RPS6KC1: variants seen among roughly 807,000 people sequenced by gnomAD.
The protein encoded by RPS6KC1 is ribosomal protein S6 kinase C1.
In RPS6KC1, 54 loss-of-function variants were observed where a neutral mutation model predicts 103.8. The observed-to-expected ratio is 0.52, with a 90% CI of 0.42 to 0.65. The LOEUF (loss-of-function observed/expected upper bound fraction) is 0.65, where lower values mean the gene tolerates loss of function less well. Ranked by LOEUF, RPS6KC1 falls within the 30% of genes least tolerant of loss-of-function variation. The pLI, the probability that RPS6KC1 is intolerant of heterozygous loss-of-function variation, is 0.00. For missense variants in RPS6KC1, 1,151 were observed against 1,253.8 expected (o/e 0.92, Z 1.24); for synonymous variants, 439 against 438.7 (o/e 1.00, Z -0.01).
the RPS6KC1 span, among the ~76,000 whole-genome samples, chr1:213,283,542 C>T: frequency 2.6e-5 from 4 of 152,274 alleles, no homozygotes; most frequent in Non-Finnish European, 5.9e-5. Context: ...CTGGTGTTCA[C>T]TGGGAAGCTC....
At chr1:213,612,871 C>A in the RPS6KC1 span, among the ~76,000 whole-genome samples, 8 of 152,224 alleles carry the variant, frequency 5.3e-5, no homozygotes, top group African/African-American at 1.9e-4. Flanking sequence ...TTCCTGTAAC[C>A]TTTACCTTCT....
the RPS6KC1 span, among the ~76,000 whole-genome samples, chr1:213,790,597 G>T: frequency 3.3e-5 from 5 of 152,128 alleles, no homozygotes; most frequent in East Asian, 9.6e-4. Flanking sequence ...ATTGGGGACT[G>T]GGGGAAGAGA....
chr1:213,202,606 C>T (rs1272966942), intron 8 of RPS6KC1, among the ~76,000 whole-genome samples: 2 of 152,056 alleles, frequency 1.3e-5, no homozygotes, highest in African/African-American at 4.8e-5. Flanking sequence ...GAGTGAGACT[C>T]AGTCTCAAAA....
At chr1:213,451,200 C>T in the RPS6KC1 span, among the ~76,000 whole-genome samples, 1 of 152,270 alleles carries the variant, frequency 6.6e-6, no homozygotes, top group East Asian at 1.9e-4. Flanking sequence ...ACATTTCTCA[C>T]TAATTCAGTA....
intron 5 of RPS6KC1, among the ~76,000 whole-genome samples, chr1:213,119,463 T>TG (rs1248163669): frequency 0.011 from 113 of 10,466 alleles, 6 homozygotes; most frequent in Admixed American, 0.058. Flanking sequence ...TATATATATA[T>TG]ATATATATAT....
chr1:213,581,180 G>C, the RPS6KC1 span, among the ~76,000 whole-genome samples: 1 of 151,868 alleles, frequency 6.6e-6, no homozygotes, highest in African/African-American at 2.4e-5. Flanking sequence ...TTCACTTCTG[G>C]CTCACAGCTC....
the RPS6KC1 span, among the ~76,000 whole-genome samples, chr1:213,383,793 C>T: frequency 6.6e-6 from 1 of 151,336 alleles, no homozygotes; most frequent in South Asian, 2.1e-4. Flanking sequence ...CACCTGAGGA[C>T]ACAGTGAGAA....
the RPS6KC1 span, among the ~76,000 whole-genome samples, chr1:213,351,258 A>T: frequency 6.6e-6 from 1 of 152,234 alleles, no homozygotes; most frequent in Admixed American, 6.5e-5. Flanking sequence ...AATTTAGAAG[A>T]TGAAGATTTG....
At chr1:213,292,761 A>C in the RPS6KC1 span, among the ~76,000 whole-genome samples, 3 of 152,232 alleles carry the variant, frequency 2.0e-5, no homozygotes, top group Admixed American at 2.0e-4. Flanking sequence ...ATTAAGAAAC[A>C]AAGGAAGAAC....
the RPS6KC1 span, among the ~76,000 whole-genome samples, chr1:213,523,251 C>T: frequency 1.3e-5 from 2 of 152,202 alleles, no homozygotes; most frequent in African/African-American, 4.8e-5. Context: ...CTTACATGGG[C>T]ACAGTTTGTG....
Position 213,104,458 on chromosome 1 carries a change from A to G in RPS6KC1, c.267A>G (p.Arg89=). The change falls in exon 4 of 15, where the codon CGA becomes CGG. Residue 89 remains arginine (R), a synonymous_variant. Transcript: ENST00000366960. The part of the protein sequence containing the change: ...PPFAKGIVFG[R]FDETVIEERR... ...TTGATTCTTATTTAATTGTAGGGCG[A>G]TTTGATGAAACTGTTATCGAAGAGA... 1.2e-6 allele frequency: 2 copies of G among 1,601,228 alleles called. No homozygotes were observed. Among genetic ancestry groups the G allele is most frequent in the Non-Finnish European group, 1.7e-6 (2 of 1,169,672 alleles).
chr1:213,301,009 G>T, the RPS6KC1 span, among the ~76,000 whole-genome samples: 1 of 152,130 alleles, frequency 6.6e-6, no homozygotes. Flanking sequence ...AGGTCCCTGA[G>T]CCTTTCTGGG....
At chr1:213,525,721 G>T in the RPS6KC1 span, among the ~76,000 whole-genome samples, 1 of 152,142 alleles carries the variant, frequency 6.6e-6, no homozygotes, top group African/African-American at 2.4e-5. Flanking sequence ...ATGGCAAAAG[G>T]AGTGATTATG....
intron 7 of RPS6KC1, among the ~76,000 whole-genome samples, chr1:213,173,618 A>G (rs921280296): frequency 1.3e-5 from 2 of 152,340 alleles, no homozygotes; most frequent in East Asian, 3.9e-4. Context: ...TCCACATAAC[A>G]TTTAAAATCA....
At chr1:213,694,921 A>T in the RPS6KC1 span, among the ~76,000 whole-genome samples, 1 of 152,188 alleles carries the variant, frequency 6.6e-6, no homozygotes, top group Admixed American at 6.5e-5. Flanking sequence ...GCTCACAGAG[A>T]GATGGCAGCA....
chr1:213,183,594 A>G (rs546445055), intron 8 of RPS6KC1, among the ~76,000 whole-genome samples: 1 of 152,176 alleles, frequency 6.6e-6, no homozygotes, highest in South Asian at 2.1e-4. Flanking sequence ...AAAAATGCAT[A>G]TAGTTGAATG....
chr1:213,391,014 T>C, the RPS6KC1 span, among the ~76,000 whole-genome samples: 2,687 of 151,734 alleles, frequency 0.018, 85 homozygotes, highest in African/African-American at 0.06. Flanking sequence ...TAGTTTTTTT[T>C]CCCCCCATCT....
chr1:213,333,486 A>G, the RPS6KC1 span, among the ~76,000 whole-genome samples: 1 of 152,056 alleles, frequency 6.6e-6, no homozygotes, highest in Admixed American at 6.6e-5. Context: ...AACCCCAGTG[A>G]TTTCTCCAGC....
the RPS6KC1 span, among the ~76,000 whole-genome samples, chr1:213,477,350 A>T: frequency 6.2e-5 from 9 of 144,098 alleles, no homozygotes; most frequent in Non-Finnish European, 1.4e-4. Context: ...TTATACCCTT[A>T]TTTTTTTTTT....
Sources: gnomAD v4.1 joint callset for allele counts (sites outside exome capture counted in the v4.1 genomes callset) on GRCh38, gnomAD v4.1.1 for gene constraint, MANE v1.5 for transcripts, NCBI Gene and HGNC (gene_info 2026-07-23, HGNC 2026-07-21) for gene names.